The following TMEM163 variants were observed in gnomAD, a reference collection of about 807,000 sequenced individuals.
TMEM163 encodes transmembrane protein 163.
Under a neutral mutation model 29.3 loss-of-function variants are expected in TMEM163, and 17 were observed. The observed-to-expected ratio is 0.58, with a 90% CI of 0.40 to 0.87. TMEM163 has a LOEUF of 0.87. TMEM163 is among the 40% of genes least tolerant of loss of function. The probability of loss-of-function intolerance (pLI) is 0.00; values close to 1 mark genes in which losing one functional copy is unlikely to be tolerated. For missense variants in TMEM163, 303 were observed against 381.5 expected (o/e 0.79, Z 1.71); for synonymous variants, 157 against 160.6 (o/e 0.98, Z 0.17).
chr2:134,650,038 T>G (rs1683432391), intron 2 of TMEM163, among the ~76,000 whole-genome samples: 1 of 145,508 alleles, frequency 6.9e-6, no homozygotes, highest in African/African-American at 2.5e-5. Flanking sequence ...ATGATGTAGG[T>G]CTGCATATTA....
chr2:134,501,706 A>T (rs1206675943), intron 5 of TMEM163, among the ~76,000 whole-genome samples: 7 of 152,226 alleles, frequency 4.6e-5, no homozygotes, highest in Non-Finnish European at 7.3e-5. Flanking sequence ...ATGCCAGGCA[A>T]CCAGGGAGAT....
chr2:134,618,595 G>A (rs1043235404), intron 2 of TMEM163, among the ~76,000 whole-genome samples: 2 of 152,066 alleles, frequency 1.3e-5, no homozygotes, highest in African/African-American at 4.8e-5. Context: ...ATTATTTTCA[G>A]ATGCATATGG....
intron 4 of TMEM163, among the ~76,000 whole-genome samples, chr2:134,519,139 C>T (rs564619092): frequency 6.6e-6 from 1 of 152,294 alleles, no homozygotes; most frequent in South Asian, 2.1e-4. Flanking sequence ...GCCCACAATT[C>T]CGTGTTGCCA....
intron 2 of TMEM163, among the ~76,000 whole-genome samples, chr2:134,630,945 C>T (rs1682954222): frequency 1.3e-5 from 2 of 152,012 alleles, no homozygotes; most frequent in East Asian, 3.9e-4. Context: ...TGAGCTAAGA[C>T]AGGCTATGCT....
intron 2 of TMEM163, among the ~76,000 whole-genome samples, chr2:134,712,416 T>C (rs1335164201): frequency 6.6e-6 from 1 of 151,874 alleles, no homozygotes; most frequent in Non-Finnish European, 1.5e-5. Context: ...AATAGATCTT[T>C]CTGTTAGGTA....
At chr2:134,618,508 A>C (rs931216146) in intron 2 of TMEM163, among the ~76,000 whole-genome samples, 22 of 152,182 alleles carry the variant, frequency 1.4e-4, no homozygotes, top group African/African-American at 4.8e-4. Context: ...AGAATCAGTA[A>C]AGATATAAAA....
chr2:134,538,191 G>A (rs1030775422), intron 4 of TMEM163, among the ~76,000 whole-genome samples: 11 of 152,164 alleles, frequency 7.2e-5, no homozygotes, highest in South Asian at 2.1e-4. Context: ...ACTAGGTCAC[G>A]GGGCCAGAGC....
At chr2:134,715,483 A>T (rs775884339) in intron 1 of TMEM163, among the ~76,000 whole-genome samples, 13 of 152,362 alleles carry the variant, frequency 8.5e-5, no homozygotes, top group Non-Finnish European at 1.9e-4. Flanking sequence ...GAATAAGTAC[A>T]ATGGGAAGAC....
chr2:134,598,642 G>C (rs1295942954), intron 2 of TMEM163, among the ~76,000 whole-genome samples: 1 of 152,138 alleles, frequency 6.6e-6, no homozygotes, highest in African/African-American at 2.4e-5. Context: ...GGCTGGGCGT[G>C]GTGGCTCATG....
Position 134,585,549 on chromosome 2 carries a change from T to C in TMEM163, c.323-33458A>G, listed in dbSNP as rs559320520. 2.1e-4 allele frequency among the ~76,000 whole-genome samples: 32 copies of C among 152,304 alleles called. No individual in the cohort carries two copies. In the South Asian group the frequency reaches 4.6e-3, roughly 22 times the overall value. ...CGAGGTCAAGAGATAGAGACCATCCTGGCTAACACAGTGAAACCCCGTCTC... is the reference window on the plus strand; with the variant it reads ...CGAGGTCAAGAGATAGAGACCATCCCGGCTAACACAGTGAAACCCCGTCTC... On this transcript the variant is annotated intron_variant, in intron 2 of 7. Coordinates refer to ENST00000281924, the MANE Select transcript of TMEM163 (RefSeq NM_030923.5).
chr2:134,598,379 T>C (rs1003905213), intron 2 of TMEM163, among the ~76,000 whole-genome samples: 1 of 151,718 alleles, frequency 6.6e-6, no homozygotes, highest in African/African-American at 2.4e-5. Context: ...CTATGTACTA[T>C]ACATTGTTCT....
intron 4 of TMEM163, among the ~76,000 whole-genome samples, chr2:134,511,697 G>A (rs534062899): frequency 1.3e-5 from 2 of 152,294 alleles, no homozygotes; most frequent in South Asian, 4.1e-4. Context: ...GGGAACCAGT[G>A]GCTGTTTTGA....
At chr2:134,541,097 G>T (rs1482821386) in intron 4 of TMEM163, among the ~76,000 whole-genome samples, 1 of 152,192 alleles carries the variant, frequency 6.6e-6, no homozygotes, top group African/African-American at 2.4e-5. Flanking sequence ...GGCAAAGCAG[G>T]AACTACCTGG....
Position 134,646,443 on chromosome 2 carries a change from T to TTTTA in TMEM163, c.322+66753_322+66756dup, listed in dbSNP as rs998302386. Among the ~76,000 whole-genome samples the TTTTA allele has an allele frequency of 3.2e-4, 48 of 151,750 alleles. 1 individual carries two copies. Among genetic ancestry groups the TTTTA allele is most frequent in the East Asian group, 2.1e-3 (11 of 5,126 alleles). On this transcript the variant is annotated intron_variant, in intron 2 of 7. Coordinates refer to ENST00000281924, the MANE Select transcript of TMEM163 (RefSeq NM_030923.5). ...TTCAGCTTCAACCCTCATTCTATGCTTTTATTTATTTATTTATTTATTTAG... is the reference window on the plus strand; with the variant it reads ...TTCAGCTTCAACCCTCATTCTATGCTTTTATTTATTTATTTATTTATTTATTTAG...
chr2:134,677,121 C>G (rs1443324425), intron 2 of TMEM163, among the ~76,000 whole-genome samples: 1 of 152,162 alleles, frequency 6.6e-6, no homozygotes, highest in East Asian at 1.9e-4. Context: ...AGCAGGTCAG[C>G]TTCCGGCGAC....
At chr2:134,565,992 T>C (rs976244292) in intron 2 of TMEM163, among the ~76,000 whole-genome samples, 8 of 152,322 alleles carry the variant, frequency 5.3e-5, no homozygotes, top group Middle Eastern at 3.4e-3. Context: ...GGTGGGAAGA[T>C]GAGTGTGAGT....
At chr2:134,547,322 C>T (rs1033076021) in intron 4 of TMEM163, among the ~76,000 whole-genome samples, 7 of 152,130 alleles carry the variant, frequency 4.6e-5, no homozygotes, top group Non-Finnish European at 8.8e-5. Context: ...TGAAATACCC[C>T]ATCATATCCA....
At chr2:134,567,021 A>G (rs1477279848) in intron 2 of TMEM163, among the ~76,000 whole-genome samples, 4 of 152,224 alleles carry the variant, frequency 2.6e-5, no homozygotes, top group African/African-American at 9.7e-5. Flanking sequence ...GAAGCTACAC[A>G]AGAAATTCCA....
chr2:134,561,347 G>T (rs915041720), intron 2 of TMEM163, among the ~76,000 whole-genome samples: 3 of 152,020 alleles, frequency 2.0e-5, no homozygotes, highest in Admixed American at 2.0e-4. Context: ...GGGACTACAG[G>T]CACCCACCAC....
Sources: gnomAD v4.1 joint callset for allele counts (sites outside exome capture counted in the v4.1 genomes callset) on GRCh38, gnomAD v4.1.1 for gene constraint, MANE v1.5 for transcripts, NCBI Gene and HGNC (gene_info 2026-07-23, HGNC 2026-07-21) for gene names.